The following SYT16 variants were observed in gnomAD, a reference collection of about 807,000 sequenced individuals.
SYT16 encodes the protein synaptotagmin-16.
A neutral mutation model predicts 61.4 loss-of-function variants in SYT16; 42 were observed. That is an observed-to-expected ratio of 0.68 (90% CI 0.53 to 0.89). The LOEUF (loss-of-function observed/expected upper bound fraction) is 0.89. SYT16 is among the 40% of genes least tolerant of loss of function. The pLI, the probability that SYT16 is intolerant of heterozygous loss-of-function variation, is 0.00. For missense variants in SYT16, 804 were observed against 807.3 expected, an observed-to-expected ratio of 1.00 and a Z score of 0.05; for synonymous variants, 314 against 302.3, an observed-to-expected ratio of 1.04 and a Z score of -0.40.
At chr14:62,034,234 C>T (rs560286991) in intron 3 of SYT16, among the ~76,000 whole-genome samples, 11 of 152,190 alleles carry the variant, frequency 7.2e-5, no homozygotes, top group African/African-American at 1.7e-4. Flanking sequence ...AAAATTGGAA[C>T]CTTAATATAC....
chr14:61,820,469 GTTT>G (rs71117856), intron 1 of SYT16, among the ~76,000 whole-genome samples: 286 of 61,012 alleles, frequency 4.7e-3, no homozygotes, highest in South Asian at 0.024. Context: ...CCTCTTCAGA[GTTT>G]TTTTTTTTTT....
intron 1 of SYT16, among the ~76,000 whole-genome samples, chr14:61,935,362 C>G (rs1009638090): frequency 6.6e-6 from 1 of 152,212 alleles, no homozygotes; most frequent in Non-Finnish European, 1.5e-5. Flanking sequence ...CCTTTTCTTT[C>G]TATCTGGTGG....
intron 1 of SYT16, among the ~76,000 whole-genome samples, chr14:61,858,924 G>A (rs559051699): frequency 5.3e-5 from 8 of 149,588 alleles, no homozygotes; most frequent in South Asian, 4.2e-4. Flanking sequence ...GTGCGATCTC[G>A]GCTCACTGCA....
intron 1 of SYT16, among the ~76,000 whole-genome samples, chr14:61,930,702 T>C (rs2049730132): frequency 6.6e-6 from 1 of 151,996 alleles, no homozygotes; most frequent in Non-Finnish European, 1.5e-5. Context: ...AGGGAAAGCA[T>C]GCTGGGTTGT....
At chr14:62,024,091 C>G (rs1323039217) in intron 3 of SYT16, among the ~76,000 whole-genome samples, 1 of 152,004 alleles carries the variant, frequency 6.6e-6, no homozygotes, top group Non-Finnish European at 1.5e-5. Context: ...AGTAAAACAG[C>G]TCAGATATGA....
chr14:61,954,307 C>G (rs1004442462), intron 1 of SYT16, among the ~76,000 whole-genome samples: 2 of 129,582 alleles, frequency 1.5e-5, no homozygotes, highest in South Asian at 2.6e-4. Context: ...AATTGGTTAG[C>G]CTTTTTTTTT....
chr14:62,011,918 C>CACATATATAT (rs2053476751), intron 3 of SYT16, among the ~76,000 whole-genome samples: 1 of 104,364 alleles, frequency 9.6e-6, no homozygotes, highest in Admixed American at 9.9e-5. Context: ...TATATACACA[C>CACATATATAT]ACACACACAT....
chr14:62,009,311 T>C (rs532837659), intron 3 of SYT16, among the ~76,000 whole-genome samples: 7 of 152,152 alleles, frequency 4.6e-5, no homozygotes, highest in Non-Finnish European at 8.8e-5. Context: ...TCATGACATA[T>C]CAAAAAAATT....
At chr14:61,849,405 G>A (rs1411674979) in intron 1 of SYT16, among the ~76,000 whole-genome samples, 4 of 152,178 alleles carry the variant, frequency 2.6e-5, no homozygotes, top group African/African-American at 9.7e-5. Flanking sequence ...AGGAGTTGCA[G>A]TCGTTGTGGC....
intron 1 of SYT16, among the ~76,000 whole-genome samples, chr14:61,942,530 A>G (rs1055005431): frequency 2.2e-4 from 33 of 152,200 alleles, no homozygotes; most frequent in Non-Finnish European, 3.4e-4. Flanking sequence ...GCTGAGAAAT[A>G]TATTTCTTCT....
At chr14:62,076,630 C>T (rs550624575) in intron 5 of SYT16, among the ~76,000 whole-genome samples, 7 of 152,140 alleles carry the variant, frequency 4.6e-5, no homozygotes, top group Admixed American at 2.0e-4. Context: ...AGCAGCCCTT[C>T]ATATGGAGGC....
intron 2 of SYT16, among the ~76,000 whole-genome samples, chr14:61,981,273 A>G (rs1566735819): frequency 6.6e-6 from 1 of 152,210 alleles, no homozygotes; most frequent in African/African-American, 2.4e-5. Flanking sequence ...TCACAGAAAC[A>G]TCCAGACTAA....
intron 3 of SYT16, among the ~76,000 whole-genome samples, chr14:62,035,164 T>C (rs2054459900): frequency 1.3e-5 from 2 of 152,186 alleles, no homozygotes; most frequent in South Asian, 2.1e-4. Context: ...TAGGTTCTTG[T>C]ATGAAGGTTC....
At chr14:62,026,199 T>TG (rs1311191998) in intron 3 of SYT16, among the ~76,000 whole-genome samples, 1 of 152,078 alleles carries the variant, frequency 6.6e-6, no homozygotes, top group Non-Finnish European at 1.5e-5. Context: ...TCACAATGAG[T>TG]GGGGGGAATG....
At chr14:61,819,842 T>TC (rs944947482) in intron 1 of SYT16, among the ~76,000 whole-genome samples, 7 of 152,210 alleles carry the variant, frequency 4.6e-5, no homozygotes, top group Non-Finnish European at 8.8e-5. Flanking sequence ...TTGTTTAACT[T>TC]CCCGGAGGCT....
intron 1 of SYT16, among the ~76,000 whole-genome samples, chr14:61,813,713 C>G (rs758697651): frequency 4.6e-5 from 7 of 151,598 alleles, no homozygotes; most frequent in Non-Finnish European, 1.0e-4. Context: ...CTGCTGTGAG[C>G]TATGACCCTG....
intron 1 of SYT16, among the ~76,000 whole-genome samples, chr14:61,853,319 A>G (rs536812904): frequency 1.3e-5 from 2 of 152,328 alleles, no homozygotes; most frequent in African/African-American, 2.4e-5. Context: ...GAGGCTGGGC[A>G]TCTTTTCACT....
intron 1 of SYT16, among the ~76,000 whole-genome samples, chr14:61,891,242 GCACACACACA>G (rs34375502): frequency 4.7e-5 from 7 of 147,802 alleles, no homozygotes; most frequent in Non-Finnish European, 1.0e-4. Flanking sequence ...ACACACACGC[GCACACACACA>G]CACACACACA....
chr14:62,056,003 A>G (rs1294689712), intron 3 of SYT16, among the ~76,000 whole-genome samples: 1 of 151,666 alleles, frequency 6.6e-6, no homozygotes, highest in African/African-American at 2.4e-5. Context: ...TGTGGGAGAA[A>G]GATGGAGGCC....
Sources: allele counts gnomAD v4.1 joint callset (sites outside exome capture counted in the v4.1 genomes callset), GRCh38; gene constraint gnomAD v4.1.1; transcripts MANE v1.5; gene names NCBI Gene and HGNC (gene_info 2026-07-23, HGNC 2026-07-21).